Variants in RAP1B observed in about 807,000 individuals in gnomAD.
RAP1B encodes ras-related protein Rap-1b.
Under a neutral mutation model 27.5 loss-of-function variants are expected in RAP1B, and 1 was observed. That is an observed-to-expected ratio of 0.04 (90% CI 0.01 to 0.17). RAP1B has a LOEUF of 0.17. Among genes scored for constraint, RAP1B ranks in the 10% least tolerant of loss-of-function variants. The pLI, the probability that RAP1B is intolerant of heterozygous loss-of-function variation, is 1.00. For missense variants in RAP1B, 84 were observed against 214.8 expected, an observed-to-expected ratio of 0.39 and a Z score of 3.81; for synonymous variants, 75 against 73.1, an observed-to-expected ratio of 1.03 and a Z score of -0.13.
chr12:68,656,563 A>G, intron 6 of RAP1B, 114 bp downstream of exon 6: 1 of 1,017,290 alleles, frequency 9.8e-7, no homozygotes, highest in Non-Finnish European at 1.5e-6. Context: ...TTGATGTTAC[A>G]GGCAAAAAAA....
chr12:68,618,086 CTTTTT>C (rs36224976), intron 1 of RAP1B, among the ~76,000 whole-genome samples: 7 of 60,788 alleles, frequency 1.2e-4, no homozygotes, highest in Non-Finnish European at 1.5e-4. Flanking sequence ...TTCTATAAAG[CTTTTT>C]TTTTTTTTTT....
chr12:68,640,328 A>G (rs1260028888), intron 1 of RAP1B, among the ~76,000 whole-genome samples: 1 of 151,294 alleles, frequency 6.6e-6, no homozygotes, highest in Non-Finnish European at 1.5e-5. Flanking sequence ...TTTTTTCTCC[A>G]TACTGCTTAT....
intron 1 of RAP1B, among the ~76,000 whole-genome samples, chr12:68,638,903 TGCCTGCCTCGGCCCC>T (rs1479393039): frequency 6.6e-6 from 1 of 152,184 alleles, no homozygotes; most frequent in Non-Finnish European, 1.5e-5. Context: ...TCAAGTGATC[TGCCTGCCTCGGCCCC>T]GCAAAGTGCT....
At chr12:68,645,212 T>C (rs1474144901) in intron 1 of RAP1B, among the ~76,000 whole-genome samples, 1 of 152,214 alleles carries the variant, frequency 6.6e-6, no homozygotes. Flanking sequence ...AACCTTATCA[T>C]GTAGCTGTTA....
At chr12:68,637,261 C>A (rs1397371843) in intron 1 of RAP1B, among the ~76,000 whole-genome samples, 1 of 152,138 alleles carries the variant, frequency 6.6e-6, no homozygotes, top group African/African-American at 2.4e-5. Flanking sequence ...TGTCCATCAA[C>A]TCGGTACAGT....
chr12:68,623,033 T>C (rs924414487), intron 1 of RAP1B, among the ~76,000 whole-genome samples: 2 of 152,250 alleles, frequency 1.3e-5, no homozygotes, highest in Non-Finnish European at 2.9e-5. Flanking sequence ...TATATCTATG[T>C]CCAACTATAA....
At chr12:68,616,579 G>A (rs1436721336) in intron 1 of RAP1B, among the ~76,000 whole-genome samples, 2 of 151,146 alleles carry the variant, frequency 1.3e-5, no homozygotes, top group African/African-American at 2.4e-5. Context: ...TACTACAGGC[G>A]CACACCACCG....
chr12:68,666,361 A>G lies in RAP1B; in HGVS notation c.*7112A>G, dbSNP rs1874850392. The stretch of plus-strand genomic sequence containing the variant: ...GTGTCCTAGTTTAAAAGTATATATT[A>G]GTTTCCTAGGGCTGCTGTAACAAAT... On this transcript the variant is annotated 3_prime_UTR_variant, in exon 8 of 8. Coordinates refer to ENST00000250559, the MANE Select transcript of RAP1B (RefSeq NM_001010942.3). 1 of 152,212 alleles carries G rather than the reference A, an allele frequency of 6.6e-6. No homozygotes were observed. Among genetic ancestry groups the G allele is most frequent in the African/African-American group, 2.4e-5 (1 of 41,460 alleles). The allele number at this position is 152,212 out of a possible 1,614,324, so 9.4% of individuals were successfully genotyped here.
chr12:68,622,540 G>T (rs1214023216), intron 1 of RAP1B, among the ~76,000 whole-genome samples: 1 of 152,116 alleles, frequency 6.6e-6, no homozygotes, highest in Non-Finnish European at 1.5e-5. Flanking sequence ...CTGCAATTCT[G>T]CCTCAGTCTC....
chr12:68,640,576 T>C lies in RAP1B; in HGVS notation c.-26-8123T>C, dbSNP rs541544359. ...TTTTCTTTTCTGACCAGCACAGTTC[T>C]TGGGTTGATGGAGTATGTCCTCAAT... On this transcript the variant is annotated intron_variant, in intron 1 of 7. Coordinates refer to ENST00000250559, the MANE Select transcript of RAP1B (RefSeq NM_001010942.3). Among the ~76,000 whole-genome samples the C allele has an allele frequency of 6.6e-5, 10 of 152,362 alleles. No individual in the cohort carries two copies. The South Asian group carries it at 2.1e-3, about 32-fold the overall frequency.
chr12:68,621,188 TG>T (rs1398996341), intron 1 of RAP1B, among the ~76,000 whole-genome samples: 3 of 152,226 alleles, frequency 2.0e-5, no homozygotes, highest in Non-Finnish European at 4.4e-5. Flanking sequence ...AACTCCTGCC[TG>T]CATGTGCTAA....
intron 3 of RAP1B, chr12:68,651,764 T>C: frequency 4.3e-6 from 2 of 469,882 alleles, no homozygotes; most frequent in Admixed American, 6.7e-5. Flanking sequence ...TAGGTTTCCC[T>C]GTGTTGACTT....
rs542953010 is a variant in RAP1B at position 68,647,122 on chromosome 12, A to G, written c.-26-1577A>G. Among the ~76,000 whole-genome samples the G allele has an allele frequency of 1.8e-3, 280 of 152,260 alleles. 1 individual carries two copies. The highest frequency in any genetic ancestry group is 6.4e-3 in the African/African-American group (264 of 41,556). ...GGCTGGACTCCAGTGGTGTGATCTC[A>G]GCTCACTGCAACCTCCACCTCCCAG... On this transcript the variant is annotated intron_variant, in intron 1 of 7. Transcript: ENST00000250559.
Position 68,651,303 on chromosome 12 carries a change from C to T in RAP1B, c.127-692C>T, listed in dbSNP as rs528902931. ...TAGTAGGGAAAGAGGTATTTCCCAACCTCTATGAAGCAGCCAACCTGGCCC... is the reference window on the plus strand; with the variant it reads ...TAGTAGGGAAAGAGGTATTTCCCAATCTCTATGAAGCAGCCAACCTGGCCC... On this transcript the variant is annotated intron_variant, in intron 3 of 7. Transcript: ENST00000250559. Among the ~76,000 whole-genome samples the T allele has an allele frequency of 1.8e-3, 279 of 151,396 alleles. 1 individual carries two copies. The highest frequency in any genetic ancestry group is 6.4e-3 in the African/African-American group (263 of 41,282).
intron 1 of RAP1B, chr12:68,626,770 G>A (rs1162551162): frequency 8.4e-7 from 1 of 1,185,858 alleles, no homozygotes; most frequent in African/African-American, 1.5e-5. Context: ...GAATTTTCCA[G>A]GGTGTTTTTT....
intron 1 of RAP1B, chr12:68,640,984 T>C (rs923342257): frequency 1.3e-5 from 2 of 152,206 alleles, no homozygotes; most frequent in Admixed American, 1.3e-4. Flanking sequence ...CTTAGATAAA[T>C]TTACTGAACT....
At chr12:68,615,806 T>C (rs1487365800) in intron 1 of RAP1B, among the ~76,000 whole-genome samples, 1 of 152,134 alleles carries the variant, frequency 6.6e-6, no homozygotes, top group African/African-American at 2.4e-5. Flanking sequence ...CACACACACA[T>C]ATACATATAT....
intron 1 of RAP1B, among the ~76,000 whole-genome samples, chr12:68,634,781 A>G (rs544523655): frequency 2.6e-5 from 4 of 152,326 alleles, no homozygotes; most frequent in Admixed American, 2.0e-4. Context: ...AAAGGTAACT[A>G]TAGAAATAAA....
At chr12:68,632,051 T>C (rs1872275884) in intron 1 of RAP1B, among the ~76,000 whole-genome samples, 1 of 134,906 alleles carries the variant, frequency 7.4e-6, no homozygotes, top group South Asian at 2.1e-4. Context: ...TTACTGCAGG[T>C]TTTTTTTTTC....
Sources: gnomAD v4.1 joint callset for allele counts (sites outside exome capture counted in the v4.1 genomes callset) on GRCh38, gnomAD v4.1.1 for gene constraint, MANE v1.5 for transcripts, NCBI Gene and HGNC (gene_info 2026-07-23, HGNC 2026-07-21) for gene names.